The following CHST9 variants were observed in gnomAD, a reference collection of about 807,000 sequenced individuals.
CHST9 encodes the protein GalNAc-4-sulfotransferase 2.
Under a neutral mutation model 44.4 loss-of-function variants are expected in CHST9, and 41 were observed. The observed-to-expected ratio is 0.92, with a 90% CI of 0.72 to 1.20. The LOEUF is 1.20. Ranked by LOEUF, CHST9 falls within the 50% of genes most tolerant of loss-of-function variation. CHST9 has a pLI of 0.00. For synonymous variants in CHST9, 171 were observed against 178.4 expected (o/e 0.96, Z 0.33); for missense variants, 504 against 516.5 (o/e 0.98, Z 0.23).
At chr18:27,093,787 A>G (rs1386450232) in intron 2 of CHST9, among the ~76,000 whole-genome samples, 1 of 151,940 alleles carries the variant, frequency 6.6e-6, no homozygotes, top group East Asian at 1.9e-4. Context: ...TGAACCAGGT[A>G]CCTCAGTTGG....
chr18:27,164,322 G>GAAAAAAAAAAAAAACAAAAAA, intron 1 of CHST9, among the ~76,000 whole-genome samples: 1 of 121,578 alleles, frequency 8.2e-6, no homozygotes, highest in Non-Finnish European at 1.7e-5. Context: ...AAATCAGAAA[G>GAAAAAAAAAAAAAACAAAAAA]AAAAAAAAAA....
chr18:27,071,865 T>G (rs187702083), intron 2 of CHST9, among the ~76,000 whole-genome samples: 13 of 152,346 alleles, frequency 8.5e-5, no homozygotes, highest in Admixed American at 1.3e-4. Flanking sequence ...ATAGACATCT[T>G]CACAATGAAT....
intron 2 of CHST9, among the ~76,000 whole-genome samples, chr18:27,096,456 A>T (rs1006997194): frequency 6.6e-6 from 1 of 151,988 alleles, no homozygotes; most frequent in Non-Finnish European, 1.5e-5. Flanking sequence ...TGAAATTGAG[A>T]CCCAAAAATC....
chr18:26,910,087 G>T lies in CHST9; in HGVS notation c.*6172C>A, dbSNP rs2055420651. ...GTCCCTAGATACTAGAGCTCCAAGAGCCTGGGAGAATGACTCATCTCTGCA... is the reference window on the plus strand; with the variant it reads ...GTCCCTAGATACTAGAGCTCCAAGATCCTGGGAGAATGACTCATCTCTGCA... On this transcript the variant is annotated 3_prime_UTR_variant, in exon 6 of 6. Coordinates refer to ENST00000618847, the MANE Select transcript of CHST9 (RefSeq NM_031422.6). 6.6e-6 allele frequency: 1 copy of T among 152,120 alleles called. No homozygotes were observed. The highest frequency in any genetic ancestry group is 2.4e-5 in the African/African-American group (1 of 41,416). The allele number at this position is 152,120 out of a possible 1,614,324, so 9.4% of individuals were successfully genotyped here. A position where few individuals can be genotyped will look rare whatever the true frequency, so the allele number is the denominator to read the frequency against.
intron 2 of CHST9, among the ~76,000 whole-genome samples, chr18:27,136,002 A>G (rs1054541695): frequency 1.3e-5 from 2 of 152,204 alleles, no homozygotes; most frequent in African/African-American, 4.8e-5. Flanking sequence ...GATCTGCAGC[A>G]TCAGGGTCCA....
chr18:27,175,211 C>G (rs2058859192), intron 1 of CHST9, among the ~76,000 whole-genome samples: 1 of 151,362 alleles, frequency 6.6e-6, no homozygotes, highest in Non-Finnish European at 1.5e-5. Flanking sequence ...AATTTTTGTT[C>G]TCCTTTATCT....
intron 1 of CHST9, among the ~76,000 whole-genome samples, chr18:27,179,397 G>A (rs542328339): frequency 1.0e-3 from 80 of 80,380 alleles, no homozygotes; most frequent in Non-Finnish European, 1.8e-3. Flanking sequence ...CTACTTAAAA[G>A]AAGTAAAGAT....
At chr18:26,992,347 G>T (rs1436905) in intron 4 of CHST9, among the ~76,000 whole-genome samples, 72,896 of 98,878 alleles carry the variant, frequency 0.74, 29,483 homozygotes, top group African/African-American at 0.87. Flanking sequence ...CTTTAAAGGA[G>T]TTTATAATCA....
intron 4 of CHST9, among the ~76,000 whole-genome samples, chr18:26,969,551 C>G (rs992465975): frequency 6.6e-6 from 1 of 152,128 alleles, no homozygotes; most frequent in Admixed American, 6.6e-5. Context: ...GCTAGGCACT[C>G]TCCTGGGCTC....
At chr18:27,088,832 T>C (rs576960545) in intron 2 of CHST9, among the ~76,000 whole-genome samples, 44 of 152,306 alleles carry the variant, frequency 2.9e-4, no homozygotes, top group African/African-American at 1.0e-3. Flanking sequence ...GGAGAGGAGC[T>C]GCCAGACAGG....
At chr18:27,126,200 G>A (rs960662500) in intron 2 of CHST9, among the ~76,000 whole-genome samples, 5 of 152,184 alleles carry the variant, frequency 3.3e-5, no homozygotes, top group Non-Finnish European at 7.4e-5. Context: ...TTTGGAGGTT[G>A]CTACATGTGC....
At position 26,915,078 on chromosome 18, in the gene CHST9, A is replaced by T; in HGVS notation, c.*1181T>A. 1 of 396,976 alleles carries T rather than the reference A, an allele frequency of 2.5e-6. No homozygotes were observed. The highest frequency in any genetic ancestry group is 3.6e-5 in the East Asian group (1 of 27,954). The allele number at this position is 396,976 out of a possible 1,614,324, so 24.6% of individuals were successfully genotyped here. ...GACACATGGACCTATTTTTCTAAGG[A>T]CTTTGATTTAATATTTGAATGCAAT... On this transcript the variant is annotated 3_prime_UTR_variant, in exon 6 of 6. Coordinates refer to ENST00000618847, the MANE Select transcript of CHST9 (RefSeq NM_031422.6).
intron 4 of CHST9, among the ~76,000 whole-genome samples, chr18:26,993,945 T>C (rs2056854900): frequency 6.6e-6 from 1 of 152,236 alleles, no homozygotes. Context: ...TTCTGGGGCC[T>C]CTCTCCTCGG....
In CHST9 at chr18:27,185,116, C is replaced by A. The variant is rs1001934211; in HGVS notation, c.-97+20G>T. 1.3e-5 allele frequency: 2 copies of A among 152,288 alleles called. No individual in the cohort carries two copies. Among genetic ancestry groups the A allele is most frequent in the African/African-American group, 2.4e-5 (1 of 41,456 alleles). The allele number at this position is 152,288 out of a possible 1,614,324, so 9.4% of individuals were successfully genotyped here. A position where few individuals can be genotyped will look rare whatever the true frequency, so the allele number is the denominator to read the frequency against. On this transcript the variant is annotated intron_variant, in intron 1 of 5. Coordinates refer to ENST00000618847, the MANE Select transcript of CHST9 (RefSeq NM_031422.6). ...CCCTCCAGTGCCCCCCAGCCCCAACCCCAGCCCCAGCGCGGTTACCTCGCG... is the reference window on the plus strand; with the variant it reads ...CCCTCCAGTGCCCCCCAGCCCCAACACCAGCCCCAGCGCGGTTACCTCGCG...
At chr18:27,174,887 A>G (rs999290640) in intron 1 of CHST9, among the ~76,000 whole-genome samples, 1 of 151,940 alleles carries the variant, frequency 6.6e-6, no homozygotes, top group Non-Finnish European at 1.5e-5. Flanking sequence ...ATGTGCCCTC[A>G]TTTGTTTTTG....
At chr18:27,090,661 T>C (rs2058059310) in intron 2 of CHST9, among the ~76,000 whole-genome samples, 1 of 152,234 alleles carries the variant, frequency 6.6e-6, no homozygotes, top group South Asian at 2.1e-4. Flanking sequence ...GCTTTCTACA[T>C]ATGGCAAGCC....
intron 2 of CHST9, among the ~76,000 whole-genome samples, chr18:27,121,585 G>T (rs2058374998): frequency 6.6e-6 from 1 of 152,184 alleles, no homozygotes; most frequent in South Asian, 2.1e-4. Context: ...AGGGAAGAAA[G>T]GGAGTCCTTT....
intron 4 of CHST9, among the ~76,000 whole-genome samples, chr18:26,994,378 G>A (rs1408352059): frequency 2.0e-5 from 3 of 152,212 alleles, no homozygotes; most frequent in Admixed American, 2.0e-4. Context: ...TGTGTTGTGT[G>A]TGTGTGTGAC....
intron 2 of CHST9, among the ~76,000 whole-genome samples, chr18:27,095,772 C>A (rs189233853): frequency 3.0e-4 from 45 of 152,132 alleles, no homozygotes; most frequent in African/African-American, 1.1e-3. Flanking sequence ...AATTGGAGCA[C>A]CCAGATACAT....
Sources: gnomAD v4.1 joint callset for allele counts (sites outside exome capture counted in the v4.1 genomes callset) on GRCh38, gnomAD v4.1.1 for gene constraint, MANE v1.5 for transcripts, NCBI Gene and HGNC (gene_info 2026-07-23, HGNC 2026-07-21) for gene names.